The following BBOX1 variants were observed in gnomAD, a reference collection of about 807,000 sequenced individuals.
BBOX1 encodes gamma-butyrobetaine hydroxylase 1, also known as gamma-butyrobetaine dioxygenase.
A neutral mutation model predicts 41.6 loss-of-function variants in BBOX1; 35 were observed. That is an observed-to-expected ratio of 0.84 (90% CI 0.64 to 1.11). BBOX1 has a LOEUF of 1.11. Ranked by LOEUF, BBOX1 falls within the 50% of genes most tolerant of loss-of-function variation. BBOX1 has a pLI of 0.00. For synonymous variants in BBOX1, 163 were observed against 154.7 expected, an observed-to-expected ratio of 1.05 and a Z score of -0.40; for missense variants, 458 against 460.6, an observed-to-expected ratio of 0.99 and a Z score of 0.05.
chr11:27,118,127 A>G (rs544813032), intron 6 of BBOX1, among the ~76,000 whole-genome samples: 2 of 152,160 alleles, frequency 1.3e-5, no homozygotes, highest in South Asian at 4.1e-4. Context: ...TTGTATCTCA[A>G]TATTTACACG....
intron 4 of BBOX1, among the ~76,000 whole-genome samples, chr11:27,065,337 C>G (rs1287018945): frequency 6.6e-6 from 1 of 152,106 alleles, no homozygotes; most frequent in African/African-American, 2.4e-5. Flanking sequence ...TTCATTTTTC[C>G]TCTGTGCCAT....
At chr11:27,067,890 G>A (rs568941125) in intron 4 of BBOX1, among the ~76,000 whole-genome samples, 19 of 152,190 alleles carry the variant, frequency 1.2e-4, no homozygotes, top group African/African-American at 4.1e-4. Context: ...CTTCATTCAA[G>A]TTGCTGCAAA....
intron 7 of BBOX1, among the ~76,000 whole-genome samples, chr11:27,122,344 C>T (rs1307476554): frequency 6.6e-6 from 1 of 152,046 alleles, no homozygotes; most frequent in Non-Finnish European, 1.5e-5. Flanking sequence ...TGCTGATCCA[C>T]AGTATATTTT....
intron 5 of BBOX1, among the ~76,000 whole-genome samples, chr11:27,100,831 A>G (rs1290158188): frequency 2.0e-5 from 3 of 152,128 alleles, no homozygotes; most frequent in Non-Finnish European, 4.4e-5. Flanking sequence ...TTGCTTTTCA[A>G]CAGGTCCTCT....
chr11:27,119,687 G>A lies in BBOX1; in HGVS notation c.678G>A (p.Gly226=). Residue 226 remains glycine, a synonymous_variant, in exon 7 of 9, where the codon GGG becomes GGA. Transcript: ENST00000263182. ...LLHCIKQTVT[G]GDSEIVDGFN... is the part of the protein sequence containing the mutation. ...ACTGCATAAAGCAAACAGTCACAGGGGGTGATTCAGAAATTGTAGATGGGT... is the reference window on the plus strand; with the variant it reads ...ACTGCATAAAGCAAACAGTCACAGGAGGTGATTCAGAAATTGTAGATGGGT... 6.4e-7 allele frequency: 1 copy of A among 1,566,614 alleles called. No individual in the cohort carries two copies. The highest frequency in any genetic ancestry group is 8.6e-7 in the Non-Finnish European group (1 of 1,159,548).
intron 2 of BBOX1, among the ~76,000 whole-genome samples, chr11:27,054,289 T>C (rs1856910379): frequency 6.6e-6 from 1 of 151,824 alleles, no homozygotes; most frequent in Admixed American, 6.6e-5. Flanking sequence ...GGCAATGAAG[T>C]ATTGTTTCCA....
At chr11:27,066,479 C>T (rs1857284316) in intron 4 of BBOX1, 1 of 152,090 alleles carries the variant, frequency 6.6e-6, no homozygotes, top group African/African-American at 2.4e-5. Context: ...ACAATTGATT[C>T]AAAAACCATT....
intron 4 of BBOX1, among the ~76,000 whole-genome samples, chr11:27,063,591 T>C (rs146426726): frequency 1.9e-3 from 294 of 152,154 alleles, no homozygotes; most frequent in African/African-American, 6.8e-3. Context: ...AGAAAATATT[T>C]TATTTCCATG....
In BBOX1 at chr11:27,057,964, T is replaced by TA. The variant is rs568129169; in HGVS notation, c.334+650dup. On this transcript the variant is annotated intron_variant, in intron 4 of 8. Transcript: ENST00000263182. Reference sequence around the variant, plus strand: ...TTGCTGAGCAAAGAAGCAAAATAAATACTTAAAACAGGTGGAAATATTTTT... The same window carrying TA: ...TTGCTGAGCAAAGAAGCAAAATAAATAACTTAAAACAGGTGGAAATATTTTT... Among the ~76,000 whole-genome samples the TA allele has an allele frequency of 3.9e-4, 59 of 152,188 alleles. 2 individuals are homozygous for TA. The South Asian group carries it at 0.012, about 32-fold the overall frequency.
chr11:27,045,404 A>C (rs1419712802), intron 2 of BBOX1, among the ~76,000 whole-genome samples: 1 of 152,118 alleles, frequency 6.6e-6, no homozygotes, highest in Non-Finnish European at 1.5e-5. Context: ...TTCTTTTCCT[A>C]ATTGAATACG....
chr11:27,072,456 T>C (rs1458744049), intron 4 of BBOX1, among the ~76,000 whole-genome samples: 1 of 152,168 alleles, frequency 6.6e-6, no homozygotes. Context: ...TTCATGCTCA[T>C]GGACAGGAAG....
intron 2 of BBOX1, among the ~76,000 whole-genome samples, chr11:27,054,818 C>T (rs1856929889): frequency 6.6e-6 from 1 of 152,078 alleles, no homozygotes; most frequent in African/African-American, 2.4e-5. Flanking sequence ...GGTAAAAAAG[C>T]AAATGATAGA....
At chr11:27,062,007 CCA>C (rs1857146458) in intron 4 of BBOX1, among the ~76,000 whole-genome samples, 1 of 152,082 alleles carries the variant, frequency 6.6e-6, no homozygotes, top group African/African-American at 2.4e-5. Flanking sequence ...TACATTAAAA[CCA>C]CACATAGAAA....
At chr11:27,098,538 T>A (rs1858529689) in intron 5 of BBOX1, among the ~76,000 whole-genome samples, 1 of 152,152 alleles carries the variant, frequency 6.6e-6, no homozygotes, top group African/African-American at 2.4e-5. Flanking sequence ...AACACTTGTG[T>A]AAGATGTCAC....
At chr11:27,075,885 C>T (rs543635479) in intron 4 of BBOX1, among the ~76,000 whole-genome samples, 1 of 152,174 alleles carries the variant, frequency 6.6e-6, no homozygotes, top group East Asian at 1.9e-4. Flanking sequence ...AAGAATTCCT[C>T]TTCTCCAGGA....
chr11:27,065,857 TAAC>T (rs1200797837), intron 4 of BBOX1, among the ~76,000 whole-genome samples: 1 of 152,180 alleles, frequency 6.6e-6, no homozygotes, highest in Non-Finnish European at 1.5e-5. Context: ...TCTCATTACT[TAAC>T]AACTTCATAA....
At position 27,040,972 on chromosome 11, in the gene BBOX1, C is replaced by T. The variant is rs1354177448; in HGVS notation, c.-358C>T. ...TCTGAACAGGTGGGAAAGAAGTGAACTGCTTGTTCACTTGCTGCTGTTGCC... is the reference window on the plus strand; with the variant it reads ...TCTGAACAGGTGGGAAAGAAGTGAATTGCTTGTTCACTTGCTGCTGTTGCC... On this transcript the variant is annotated 5_prime_UTR_variant, in exon 1 of 9. Transcript: ENST00000263182. 1 of 152,118 alleles carries T rather than the reference C, an allele frequency of 6.6e-6. No homozygotes were observed. 9.4% of individuals were successfully genotyped at this position (152,118 alleles called of 1,614,324 possible).
rs1264146608 is a variant in BBOX1, at chr11:27,057,245, T to C, written c.264T>C (p.Ala88=). 2.5e-6 allele frequency: 4 copies of C among 1,612,134 alleles called. No individual in the cohort carries two copies. The African/African-American group carries it at 4.0e-5, about 16-fold the overall frequency. The change falls in exon 4 of 9, where the codon GCT becomes GCC. Residue 88 remains alanine (A), a synonymous_variant. Coordinates refer to ENST00000263182, the MANE Select transcript of BBOX1 (RefSeq NM_003986.3). ...ATGAGCATTACAGTGAATTCCAGGC[T>C]GATTGGCTGAAGAAAAGATGCTTTT... ...WPDEHYSEFQ[A]DWLKKRCFSK...
intron 4 of BBOX1, among the ~76,000 whole-genome samples, chr11:27,065,016 C>T (rs1201512551): frequency 6.6e-6 from 1 of 152,144 alleles, no homozygotes; most frequent in Non-Finnish European, 1.5e-5. Context: ...TCAGGCTCCT[C>T]TCTTTCCCCT....
Sources: allele counts gnomAD v4.1 joint callset (sites outside exome capture counted in the v4.1 genomes callset), GRCh38; gene constraint gnomAD v4.1.1; transcripts MANE v1.5; gene names NCBI Gene and HGNC (gene_info 2026-07-23, HGNC 2026-07-21).